Variants in SRGAP1 observed in about 807,000 individuals in gnomAD.
SRGAP1 encodes SLIT-ROBO Rho GTPase activating protein 1, also known as SLIT-ROBO Rho GTPase-activating protein 1.
Under a neutral mutation model 121.9 loss-of-function variants are expected in SRGAP1, and 43 were observed. The observed-to-expected ratio is 0.35, with a 90% CI of 0.28 to 0.46. SRGAP1 has a LOEUF of 0.46. SRGAP1 is among the 20% of genes least tolerant of loss of function. The pLI is 1.00. For missense variants in SRGAP1, 1,102 were observed against 1,350.9 expected, an observed-to-expected ratio of 0.82 and a Z score of 2.89; for synonymous variants, 447 against 485.4, an observed-to-expected ratio of 0.92 and a Z score of 1.04.
chr12:63,942,967 A>C (rs527558038), intron 1 of SRGAP1, among the ~76,000 whole-genome samples: 2 of 152,354 alleles, frequency 1.3e-5, no homozygotes, highest in African/African-American at 4.8e-5. Context: ...GGCTCTTCAG[A>C]GTAATAGGTA....
At chr12:64,033,942 C>T (rs927788747) in intron 4 of SRGAP1, among the ~76,000 whole-genome samples, 11 of 152,032 alleles carry the variant, frequency 7.2e-5, no homozygotes, top group African/African-American at 2.7e-4. Context: ...ATTGCTTGAA[C>T]CCGGTGTGAG....
At chr12:63,996,728 AT>A (rs1245834733) in intron 3 of SRGAP1, among the ~76,000 whole-genome samples, 1 of 152,082 alleles carries the variant, frequency 6.6e-6, no homozygotes, top group African/African-American at 2.4e-5. Context: ...ATTAAATGGT[AT>A]TCTGGTGGCC....
At chr12:64,097,633 T>C (rs903888620) in intron 15 of SRGAP1, 5 of 332,406 alleles carry the variant, frequency 1.5e-5, no homozygotes, top group Admixed American at 1.4e-4. Context: ...TGGCTGGAAT[T>C]GAGCAGAAAG....
rs767604870 is a variant in SRGAP1 at position 64,150,306 on chromosome 12, C to T, written c.*7634C>T. 2 of 152,142 alleles carry T rather than the reference C, an allele frequency of 1.3e-5. No homozygotes were observed. Among genetic ancestry groups the T allele is most frequent in the Non-Finnish European group, 2.9e-5 (2 of 68,034 alleles). 9.4% of individuals were successfully genotyped at this position (152,142 alleles called of 1,614,324 possible). On this transcript the variant is annotated 3_prime_UTR_variant, in exon 22 of 22. Transcript: ENST00000355086. ...TAGGATATTTGCGATCCAATTCTGG[C>T]GACTTATGGATGGATCCTTCACACC...
intron 3 of SRGAP1, among the ~76,000 whole-genome samples, chr12:64,010,445 G>A (rs2034219795): frequency 6.6e-6 from 1 of 152,012 alleles, no homozygotes. Context: ...CCCTGGCCAG[G>A]GCCCACCCAG....
At chr12:63,926,757 C>T (rs917626706) in intron 1 of SRGAP1, among the ~76,000 whole-genome samples, 4 of 152,062 alleles carry the variant, frequency 2.6e-5, no homozygotes, top group Non-Finnish European at 5.9e-5. Context: ...TTGACTATAG[C>T]CACCCTGATG....
chr12:63,970,489 A>G (rs774986049), intron 1 of SRGAP1, among the ~76,000 whole-genome samples: 1 of 152,250 alleles, frequency 6.6e-6, no homozygotes, highest in South Asian at 2.1e-4. Context: ...TATTTCTGCA[A>G]TGCTGCTTTG....
At chr12:64,082,658 C>T (rs898466195) in intron 10 of SRGAP1, among the ~76,000 whole-genome samples, 1 of 152,124 alleles carries the variant, frequency 6.6e-6, no homozygotes, top group Non-Finnish European at 1.5e-5. Flanking sequence ...CCATGTTGGC[C>T]AGGCTGGTCT....
At chr12:64,080,491 G>T in intron 10 of SRGAP1, 121 bp downstream of exon 10, 1 of 912,618 alleles carries the variant, frequency 1.1e-6, no homozygotes, top group Middle Eastern at 2.1e-4. Context: ...TCTGTGTTTA[G>T]ATTTGGTTTT....
chr12:63,853,083 G>A (rs1321490407), intron 1 of SRGAP1, among the ~76,000 whole-genome samples: 2 of 151,302 alleles, frequency 1.3e-5, no homozygotes, highest in East Asian at 3.9e-4. Flanking sequence ...GCAATGGCAA[G>A]ATCTTGGCTC....
chr12:63,993,534 G>C (rs2219249), intron 3 of SRGAP1, among the ~76,000 whole-genome samples: 1 of 152,068 alleles, frequency 6.6e-6, no homozygotes, highest in African/African-American at 2.4e-5. Flanking sequence ...TGAGACTTCC[G>C]CATGTTTCAA....
In SRGAP1 at chr12:64,079,113, CA is replaced by C; in HGVS notation, c.1321del (p.Met441Ter). The C allele has an allele frequency of 6.2e-7, 1 of 1,609,232 alleles. No homozygotes were observed. The highest frequency in any genetic ancestry group is 8.5e-7 in the Non-Finnish European group (1 of 1,178,326). On this transcript the variant is annotated frameshift_variant and splice_region_variant, in exon 9 of 22. Coordinates refer to ENST00000355086, the MANE Select transcript of SRGAP1 (RefSeq NM_020762.4). LOFTEE classifies it high-confidence loss of function. The part of the protein sequence containing the change: ...NQQETEQFYF[M>X]KLREYLEGSN... ...AGCAGGAAACTGAACAGTTCTACTT[CA>C]TGGTGTGCCCGCCACTTCCCAAGCC...
At chr12:63,924,939 T>TA (rs1289423177) in intron 1 of SRGAP1, among the ~76,000 whole-genome samples, 5 of 152,186 alleles carry the variant, frequency 3.3e-5, no homozygotes, top group African/African-American at 1.2e-4. Context: ...ATTTTTGTCT[T>TA]AAAAAATGAG....
At chr12:64,097,657 G>A in intron 15 of SRGAP1, 1 of 291,966 alleles carries the variant, frequency 3.4e-6, no homozygotes, top group Admixed American at 4.9e-5. Context: ...GGTGCCAGCT[G>A]CCTAAGGGAA....
intron 8 of SRGAP1, among the ~76,000 whole-genome samples, chr12:64,070,130 A>G (rs1242998791): frequency 1.3e-5 from 2 of 152,174 alleles, no homozygotes; most frequent in African/African-American, 4.8e-5. Context: ...CATTATAAAC[A>G]TTTATTGCAC....
intron 1 of SRGAP1, among the ~76,000 whole-genome samples, chr12:63,860,474 C>T (rs915494909): frequency 3.3e-5 from 5 of 152,086 alleles, no homozygotes; most frequent in African/African-American, 1.2e-4. Context: ...TTATCTGACT[C>T]TTAAATGTTT....
chr12:64,004,226 A>C (rs2034004195), intron 3 of SRGAP1, among the ~76,000 whole-genome samples: 1 of 152,204 alleles, frequency 6.6e-6, no homozygotes, highest in Non-Finnish European at 1.5e-5. Flanking sequence ...ATAAACAAAC[A>C]TGGGGTAGGT....
chr12:63,880,697 C>T (rs1197995502), intron 1 of SRGAP1, among the ~76,000 whole-genome samples: 2 of 152,170 alleles, frequency 1.3e-5, no homozygotes, highest in East Asian at 1.9e-4. Flanking sequence ...TCTCCTCCAT[C>T]CCCTGTGTTC....
chr12:63,866,833 G>GA (rs1195932653), intron 1 of SRGAP1, among the ~76,000 whole-genome samples: 2 of 150,874 alleles, frequency 1.3e-5, no homozygotes, highest in East Asian at 3.9e-4. Flanking sequence ...ACCAGTCTCT[G>GA]GGGAGATAAG....
Sources: allele counts gnomAD v4.1 joint callset (sites outside exome capture counted in the v4.1 genomes callset), GRCh38; gene constraint gnomAD v4.1.1; transcripts MANE v1.5; gene names NCBI Gene and HGNC (gene_info 2026-07-23, HGNC 2026-07-21).